The following GABBR1 variants were observed in gnomAD, a reference collection of about 807,000 sequenced individuals.
GABBR1 encodes GABA-B receptor, R1 subunit.
In GABBR1, 35 loss-of-function variants were observed where a neutral mutation model predicts 117.7. The observed-to-expected ratio is 0.30, with a 90% CI of 0.23 to 0.39. The LOEUF (loss-of-function observed/expected upper bound fraction) is 0.39. Ranked by LOEUF, GABBR1 falls within the 10% of genes least tolerant of loss-of-function variation. The pLI, the probability that GABBR1 is intolerant of heterozygous loss-of-function variation, is 1.00. For synonymous variants in GABBR1, 442 were observed against 486.6 expected (o/e 0.91, Z 1.21); for missense variants, 709 against 1,241.8 (o/e 0.57, Z 6.45).
chr6:29,628,949 GGC>G (rs1764669409), intron 5 of GABBR1, 136 bp downstream of exon 5: 1 of 900,060 alleles, frequency 1.1e-6, no homozygotes, highest in African/African-American at 1.6e-5. Flanking sequence ...GGAAGGGGGT[GGC>G]CGCAAACTGG....
In GABBR1 at chr6:29,631,993, G is replaced by C. The variant is rs1765034253; in HGVS notation, c.85+308C>G. On this transcript the variant is annotated intron_variant, in intron 2 of 22. Coordinates refer to ENST00000377034, the MANE Select transcript of GABBR1 (RefSeq NM_001470.4). The surrounding 1 kb of genome is among the most constrained non-coding windows in gnomAD (Gnocchi z 5.9). ...GGAGGCTAATAAGATCATCTGGACA[G>C]CAAAGTGGGACCAAGAAAAGGGAGT... 6.6e-6 allele frequency among the ~76,000 whole-genome samples: 1 copy of C among 152,120 alleles called. No homozygotes were observed. Among genetic ancestry groups the C allele is most frequent in the Non-Finnish European group, 1.5e-5 (1 of 68,038 alleles).
chr6:29,616,132 C>A (rs577983049), intron 11 of GABBR1, among the ~76,000 whole-genome samples: 5 of 151,940 alleles, frequency 3.3e-5, no homozygotes, highest in African/African-American at 7.2e-5. Flanking sequence ...ACCTGGGAGG[C>A]GGAGGTTGCT....
At chr6:29,616,956 G>A (rs1487070794) in intron 11 of GABBR1, among the ~76,000 whole-genome samples, 4 of 143,590 alleles carry the variant, frequency 2.8e-5, no homozygotes, top group African/African-American at 1.0e-4. Context: ...GACCATCCTG[G>A]CTAACACGGT....
At position 29,609,475 on chromosome 6, in the gene GABBR1, A is replaced by C; in HGVS notation, c.1709-96T>G. On this transcript the variant is annotated intron_variant, in intron 14 of 22. Transcript: ENST00000377034. This position sits in a 1 kb window ranked among gnomAD's most constrained non-coding sequence, Gnocchi z 4.3. ...ATAGGAGAAAAGGGCAAAGAACTAGATTGCTGATGGACATTCAGTCATTGG... is the reference window on the plus strand; with the variant it reads ...ATAGGAGAAAAGGGCAAAGAACTAGCTTGCTGATGGACATTCAGTCATTGG... 1 of 1,022,366 alleles carries C rather than the reference A, an allele frequency of 9.8e-7. No individual in the cohort carries two copies. The highest frequency in any genetic ancestry group is 1.5e-6 in the Non-Finnish European group (1 of 679,870). The allele number at this position is 1,022,366 out of a possible 1,614,324, so 63.3% of individuals were successfully genotyped here.
In GABBR1 at chr6:29,607,447, T is replaced by C. The variant is rs956214922; in HGVS notation, c.1993-229A>G. On this transcript the variant is annotated intron_variant, in intron 16 of 22. Coordinates refer to ENST00000377034, the MANE Select transcript of GABBR1 (RefSeq NM_001470.4). This position sits in a 1 kb window ranked among gnomAD's most constrained non-coding sequence, Gnocchi z 5.0. ...ACCCTCTACTTCCACACCACCAGGG[T>C]GATCTTGCTAAAACCTCCTGGCTTT... 1.3e-5 allele frequency among the ~76,000 whole-genome samples: 2 copies of C among 152,092 alleles called. No individual in the cohort carries two copies. The highest frequency in any genetic ancestry group is 4.8e-5 in the African/African-American group (2 of 41,390).
At position 29,621,370 on chromosome 6, in the gene GABBR1, G is replaced by T; in HGVS notation, c.1132-78C>A. The T allele has an allele frequency of 8.6e-7, 1 of 1,165,016 alleles. No homozygotes were observed. Among genetic ancestry groups the T allele is most frequent in the Non-Finnish European group, 1.2e-6 (1 of 808,724 alleles). 72.2% of individuals were successfully genotyped at this position (1,165,016 alleles called of 1,614,324 possible). On this transcript the variant is annotated intron_variant, in intron 10 of 22. Transcript: ENST00000377034. The surrounding 1 kb of genome is among the most constrained non-coding windows in gnomAD (Gnocchi z 5.0). ...GTCTTATCTCACTTGATACTATTTA[G>T]CCTCTTGGGAATCAGGGAAGAGCAG...
rs3025628 is a variant in GABBR1 at position 29,622,572 on chromosome 6, G to A, written c.964-367C>T. On this transcript the variant is annotated intron_variant, in intron 8 of 22. Coordinates refer to ENST00000377034, the MANE Select transcript of GABBR1 (RefSeq NM_001470.4). This position sits in a 1 kb window ranked among gnomAD's most constrained non-coding sequence, Gnocchi z 4.6. ...TGATGTCAACCTCAAGAGGCAAATG[G>A]GCAGACAGACAAAGGATCAGAGAAG... 10,957 of 251,774 alleles carry A rather than the reference G, an allele frequency of 0.044. 374 individuals are homozygous for A. Among genetic ancestry groups the A allele is most frequent in the East Asian group, 0.098 (1,213 of 12,336 alleles). 15.6% of individuals were successfully genotyped at this position (251,774 alleles called of 1,614,324 possible).
At chr6:29,608,910 G>A (rs146033694) in intron 15 of GABBR1, among the ~76,000 whole-genome samples, 177 bp from the exon 16 acceptor site, 78 of 152,338 alleles carry the variant, frequency 5.1e-4, no homozygotes, top group Middle Eastern at 6.8e-3. Context: ...CAGTCATGGG[G>A]CTGAAGATGG....
At position 29,627,694 on chromosome 6, in the gene GABBR1, G is replaced by A. The variant is rs1443710010; in HGVS notation, c.497-48C>T. On this transcript the variant is annotated intron_variant, in intron 5 of 22. Transcript: ENST00000377034. The surrounding 1 kb of genome is among the most constrained non-coding windows in gnomAD (Gnocchi z 4.4). Reference sequence around the variant, plus strand: ...CCGCGAGTGAGGCCGCGGGAGATGGGGGGAGTGGGAGGCCCACACCGGAGC... The same window carrying A: ...CCGCGAGTGAGGCCGCGGGAGATGGAGGGAGTGGGAGGCCCACACCGGAGC... 3.3e-6 allele frequency: 5 copies of A among 1,532,800 alleles called. No individual in the cohort carries two copies. The South Asian group carries it at 3.6e-5, about 11-fold the overall frequency. The allele number at this position is 1,532,800 out of a possible 1,614,324, so 94.9% of individuals were successfully genotyped here. A position where few individuals can be genotyped will look rare whatever the true frequency, so the allele number is the denominator to read the frequency against.
In GABBR1 at chr6:29,627,435, C is replaced by T; in HGVS notation, c.657+51G>A. The T allele has an allele frequency of 6.6e-7, 1 of 1,511,940 alleles. No homozygotes were observed. Among genetic ancestry groups the T allele is most frequent in the Non-Finnish European group, 8.9e-7 (1 of 1,118,064 alleles). 93.7% of individuals were successfully genotyped at this position (1,511,940 alleles called of 1,614,324 possible). A position where few individuals can be genotyped will look rare whatever the true frequency, so the allele number is the denominator to read the frequency against. ...ATGGGGGCGCGTGCAGCTGGCTGGCCCCCTGCCCCGCAAGCCCCCACCTCC... is the reference window on the plus strand; with the variant it reads ...ATGGGGGCGCGTGCAGCTGGCTGGCTCCCTGCCCCGCAAGCCCCCACCTCC... On this transcript the variant is annotated intron_variant, in intron 6 of 22. Transcript: ENST00000377034. This position sits in a 1 kb window ranked among gnomAD's most constrained non-coding sequence, Gnocchi z 4.4.
Position 29,620,745 on chromosome 6 carries a change from T to C in GABBR1, c.1323+356A>G, listed in dbSNP as rs1255112976. On this transcript the variant is annotated intron_variant, in intron 11 of 22. Transcript: ENST00000377034. The surrounding 1 kb of genome is among the most constrained non-coding windows in gnomAD (Gnocchi z 4.5). ...GAAATGCAATTCTGCCCAGACACAG[T>C]GCTCCTGTAAAGGTGTGCTTGAGTA... Among the ~76,000 whole-genome samples, 2 of 152,170 alleles carry C rather than the reference T, an allele frequency of 1.3e-5. No homozygotes were observed. Among genetic ancestry groups the C allele is most frequent in the African/African-American group, 2.4e-5 (1 of 41,428 alleles).
rs1379712831 is a variant in GABBR1 at position 29,627,596 on chromosome 6, G to A, written c.547C>T (p.Pro183Ser). Residue 183 changes from proline to serine, a missense_variant, in exon 6 of 23, where the codon CCA (proline) becomes TCA (serine). Around this residue, in one of 9 missense-constraint regions of GABBR1, gnomAD observed 192 missense variants for 418.4 expected, o/e 0.46. Transcript: ENST00000377034. This position sits in a 1 kb window ranked among gnomAD's most constrained non-coding sequence, Gnocchi z 4.4. ...GCGGGCTGGCAGGCCTGGCCCCCTGGCCAGCCCCCGCTCATGGGAAACAGT... is the reference window on the plus strand; with the variant it reads ...GCGGGCTGGCAGGCCTGGCCCCCTGACCAGCCCCCGCTCATGGGAAACAGT... ...GALFPMSGGW[P>S]GGQACQPAVE... 2 of 1,572,692 alleles carry A rather than the reference G, an allele frequency of 1.3e-6. No homozygotes were observed. Among genetic ancestry groups the A allele is most frequent in the South Asian group, 2.3e-5 (2 of 86,598 alleles).
Position 29,613,626 on chromosome 6 carries a change from A to G in GABBR1, c.1324-141T>C, listed in dbSNP as rs1360105148. The G allele has an allele frequency of 9.2e-7, 1 of 1,086,214 alleles. No homozygotes were observed. Among genetic ancestry groups the G allele is most frequent in the Admixed American group, 2.5e-5 (1 of 40,650 alleles). The allele number at this position is 1,086,214 out of a possible 1,614,324, so 67.3% of individuals were successfully genotyped here. On this transcript the variant is annotated intron_variant, in intron 11 of 22. Coordinates refer to ENST00000377034, the MANE Select transcript of GABBR1 (RefSeq NM_001470.4). This position sits in a 1 kb window ranked among gnomAD's most constrained non-coding sequence, Gnocchi z 4.1. ...TGTCAGATTGGACACATGTACATTCAAAATCTTTAACTATACCCATGTGTC... is the reference window on the plus strand; with the variant it reads ...TGTCAGATTGGACACATGTACATTCGAAATCTTTAACTATACCCATGTGTC...
In GABBR1 at chr6:29,603,186, G is replaced by A. The variant is rs1344422440; in HGVS notation, c.*357C>T. On this transcript the variant is annotated 3_prime_UTR_variant, in exon 23 of 23. Transcript: ENST00000377034. Reference sequence around the variant, plus strand: ...AGGAACAGAGCACAAAGGCAGAGGAGCTGCAGGGGTTGCCGTGGTAACTAG... The same window carrying A: ...AGGAACAGAGCACAAAGGCAGAGGAACTGCAGGGGTTGCCGTGGTAACTAG... 4.0e-6 allele frequency: 2 copies of A among 496,104 alleles called. No individual in the cohort carries two copies. Among genetic ancestry groups the A allele is most frequent in the African/African-American group, 1.9e-5 (1 of 51,552 alleles). 30.7% of individuals were successfully genotyped at this position (496,104 alleles called of 1,614,324 possible).
intron 6 of GABBR1, chr6:29,624,319 A>G: frequency 3.9e-6 from 1 of 253,726 alleles, no homozygotes; most frequent in Non-Finnish European, 7.6e-6. Context: ...TCACCCTCAG[A>G]CATCCCCCTT....
Position 29,630,554 on chromosome 6 carries a change from C to G in GABBR1, c.379G>C (p.Val127Leu). The change falls in exon 4 of 23, where the codon GTG becomes CTG. Residue 127 changes from valine to leucine, a missense_variant. Transcript: ENST00000377034. This position sits in a 1 kb window ranked among gnomAD's most constrained non-coding sequence, Gnocchi z 4.9. Reference protein sequence around the residue: ...GDLPALDGARVDFRCDPDFHL... With the variant: ...GDLPALDGARLDFRCDPDFHL... ...AAGTCGGGGTCACACCGGAAATCCA[C>G]CCGGGCTCCGTCCAGAGCTGGGAGG... The G allele has an allele frequency of 6.2e-7, 1 of 1,613,098 alleles. No homozygotes were observed. The highest frequency in any genetic ancestry group is 1.1e-5 in the South Asian group (1 of 91,088).
chr6:29,603,126 T>A lies in GABBR1; in HGVS notation c.*417A>T. 1 of 465,142 alleles carries A rather than the reference T, an allele frequency of 2.1e-6. No individual in the cohort carries two copies. The highest frequency in any genetic ancestry group is 4.3e-6 in the Non-Finnish European group (1 of 232,552). The allele number at this position is 465,142 out of a possible 1,614,324, so 28.8% of individuals were successfully genotyped here. A position where few individuals can be genotyped will look rare whatever the true frequency, so the allele number is the denominator to read the frequency against. On this transcript the variant is annotated 3_prime_UTR_variant, in exon 23 of 23. Transcript: ENST00000377034. ...GAGAAAAGGAGAGGCCCCTTTGGGG[T>A]GGAAAGAGCACTTGTTGGGAGACCC...
At position 29,627,489 on chromosome 6, in the gene GABBR1, G is replaced by A; in HGVS notation, c.654C>T (p.Ser218=). Residue 218 remains serine (S), a synonymous_variant, in exon 6 of 23, where the codon AGC becomes AGT. Coordinates refer to ENST00000377034, the MANE Select transcript of GABBR1 (RefSeq NM_001470.4). This position sits in a 1 kb window ranked among gnomAD's most constrained non-coding sequence, Gnocchi z 4.4. ...DYELKLIHHD[S]KCDPGQATKY... is the part of the protein sequence containing the mutation. ...CCACCCCCATGTCCAGGGCTACCTT[G>A]CTGTCGTGGTGGATGAGCTTGAGCT... 1.1e-6 allele frequency: 1 copy of A among 933,574 alleles called. No homozygotes were observed. The highest frequency in any genetic ancestry group is 1.3e-5 in the South Asian group (1 of 77,226). The allele number at this position is 933,574 out of a possible 1,614,324, so 57.8% of individuals were successfully genotyped here. A position where few individuals can be genotyped will look rare whatever the true frequency, so the allele number is the denominator to read the frequency against.
Position 29,627,361 on chromosome 6 carries a change from TCA to T in GABBR1, c.657+123_657+124del. 1 of 970,106 alleles carries T rather than the reference TCA, an allele frequency of 1.0e-6. No homozygotes were observed. Among genetic ancestry groups the T allele is most frequent in the Non-Finnish European group, 1.5e-6 (1 of 658,646 alleles). 60.1% of individuals were successfully genotyped at this position (970,106 alleles called of 1,614,324 possible). The stretch of plus-strand genomic sequence containing the variant: ...GCACCCCCAGCCCATCTCCTGCCAG[TCA>T]CACAAGGGAGGGGTCTGCCTCGCAA... On this transcript the variant is annotated intron_variant, in intron 6 of 22. Coordinates refer to ENST00000377034, the MANE Select transcript of GABBR1 (RefSeq NM_001470.4). This position sits in a 1 kb window ranked among gnomAD's most constrained non-coding sequence, Gnocchi z 4.4.
Sources: gnomAD v4.1 joint callset for allele counts (sites outside exome capture counted in the v4.1 genomes callset) on GRCh38, gnomAD v4.1.1 for gene constraint, gnomAD v4.1.1 regional missense constraint, Gnocchi (gnomAD v3.1) non-coding constraint, MANE v1.5 for transcripts, NCBI Gene and HGNC (gene_info 2026-07-23, HGNC 2026-07-21) for gene names.